The following CFDP1 variants were observed in gnomAD, a reference collection of about 807,000 sequenced individuals.
CFDP1 encodes the protein heterochromatin-stabilizing protein CFDP1.
CFDP1 carries 31 observed loss-of-function variants against 40.1 expected under a neutral mutation model. That is an observed-to-expected ratio of 0.77 (90% CI 0.58 to 1.04). The LOEUF (loss-of-function observed/expected upper bound fraction) is 1.04. Among genes scored for constraint, CFDP1 ranks in the 50% least tolerant of loss-of-function variants. The pLI, the probability that CFDP1 is intolerant of heterozygous loss-of-function variation, is 0.00. For missense variants in CFDP1, 423 were observed against 343.4 expected, an observed-to-expected ratio of 1.23 and a Z score of -1.83; for synonymous variants, 167 against 120.0, an observed-to-expected ratio of 1.39 and a Z score of -2.56.
chr16:75,399,060 A>G (rs2079024698), intron 4 of CFDP1, among the ~76,000 whole-genome samples: 1 of 148,258 alleles, frequency 6.7e-6, no homozygotes, highest in African/African-American at 2.5e-5. Context: ...CCGTCTCAAA[A>G]AAAAAAAAAA....
chr16:75,391,273 A>C (rs913080920), intron 5 of CFDP1: 1 of 152,008 alleles, frequency 6.6e-6, no homozygotes, highest in Non-Finnish European at 1.5e-5. Flanking sequence ...CAGAAACCTA[A>C]GAAGAGCTTC....
intron 6 of CFDP1, among the ~76,000 whole-genome samples, chr16:75,300,782 C>T (rs2151498446): frequency 6.6e-6 from 1 of 151,474 alleles, no homozygotes; most frequent in East Asian, 1.9e-4. Flanking sequence ...ATGGTCAGGG[C>T]AGGGGATACT....
chr16:75,353,527 C>A (rs563075173), intron 5 of CFDP1, among the ~76,000 whole-genome samples: 17 of 151,736 alleles, frequency 1.1e-4, no homozygotes, highest in African/African-American at 4.1e-4. Context: ...TTTGGGAGGC[C>A]GAGGCGGGCA....
At chr16:75,415,321 C>T (rs2151589536) in intron 1 of CFDP1, among the ~76,000 whole-genome samples, 1 of 152,306 alleles carries the variant, frequency 6.6e-6, no homozygotes, top group East Asian at 1.9e-4. Context: ...CAACCCTGCC[C>T]ACACAGAGAT....
At chr16:75,376,068 A>G (rs149505124) in intron 5 of CFDP1, among the ~76,000 whole-genome samples, 1 of 152,102 alleles carries the variant, frequency 6.6e-6, no homozygotes, top group East Asian at 1.9e-4. Context: ...AAAATTAGCC[A>G]GACATAGTGG....
intron 5 of CFDP1, among the ~76,000 whole-genome samples, chr16:75,344,802 C>T (rs896537915): frequency 2.0e-5 from 3 of 151,906 alleles, no homozygotes; most frequent in Admixed American, 6.6e-5. Context: ...CATGGTGGTG[C>T]GTGCCTGTAG....
intron 2 of CFDP1, among the ~76,000 whole-genome samples, chr16:75,412,991 C>A (rs1354909738): frequency 6.7e-6 from 1 of 150,084 alleles, no homozygotes; most frequent in Non-Finnish European, 1.5e-5. Context: ...CACTTAAAAT[C>A]AAAGTATAGC....
chr16:75,298,158 T>C (rs1417705768), intron 6 of CFDP1, among the ~76,000 whole-genome samples: 1 of 152,248 alleles, frequency 6.6e-6, no homozygotes, highest in Non-Finnish European at 1.5e-5. Flanking sequence ...TGTGTTTGTT[T>C]AAACTTGGGT....
At chr16:75,377,986 A>C (rs1023388136) in intron 5 of CFDP1, among the ~76,000 whole-genome samples, 3 of 152,198 alleles carry the variant, frequency 2.0e-5, no homozygotes, top group Admixed American at 6.6e-5. Flanking sequence ...AATCCCTTAG[A>C]TACATTTTAA....
intron 5 of CFDP1, among the ~76,000 whole-genome samples, chr16:75,369,931 GTAT>G (rs993288988): frequency 2.6e-5 from 4 of 151,404 alleles, no homozygotes; most frequent in African/African-American, 4.9e-5. Flanking sequence ...GCTAATTTTT[GTAT>G]TATTATTATT....
intron 4 of CFDP1, among the ~76,000 whole-genome samples, chr16:75,397,115 C>A (rs369677827): frequency 1.3e-5 from 2 of 151,948 alleles, no homozygotes; most frequent in Middle Eastern, 3.4e-3. Context: ...GGGGTTTCAC[C>A]GTGTTAGCCA....
chr16:75,387,330 CGGG>C (rs1056267011), intron 5 of CFDP1, among the ~76,000 whole-genome samples: 1 of 151,950 alleles, frequency 6.6e-6, no homozygotes, highest in African/African-American at 2.4e-5. Flanking sequence ...TTAGTGGAGA[CGGG>C]GGTTTCACCG....
chr16:75,384,193 C>T (rs2078873826), intron 5 of CFDP1, among the ~76,000 whole-genome samples: 1 of 151,978 alleles, frequency 6.6e-6, no homozygotes, highest in Admixed American at 6.6e-5. Flanking sequence ...CCCATCTCTA[C>T]TAAAAATACA....
intron 6 of CFDP1, among the ~76,000 whole-genome samples, chr16:75,299,325 C>G (rs868092664): frequency 6.6e-6 from 1 of 151,918 alleles, no homozygotes; most frequent in African/African-American, 2.4e-5. Context: ...CAGTGGCTCA[C>G]GCCTGTAATC....
chr16:75,356,418 T>A (rs2865531), intron 5 of CFDP1, among the ~76,000 whole-genome samples: 79,372 of 152,030 alleles, frequency 0.52, 21,697 homozygotes, highest in Admixed American at 0.64. Context: ...TTGAAAGGAA[T>A]CTTTCTGTCT....
intron 1 of CFDP1, among the ~76,000 whole-genome samples, chr16:75,427,189 G>A (rs1452501121): frequency 6.6e-6 from 1 of 152,058 alleles, no homozygotes; most frequent in Non-Finnish European, 1.5e-5. Context: ...ATGGCAAACA[G>A]GAACATGAAA....
intron 5 of CFDP1, among the ~76,000 whole-genome samples, chr16:75,322,231 C>T (rs1297206326): frequency 6.6e-6 from 1 of 152,190 alleles, no homozygotes; most frequent in Admixed American, 6.5e-5. Context: ...CTGGGCATTG[C>T]TTGTAAAGTG....
chr16:75,316,344 GC>G (rs1441135873), intron 5 of CFDP1, among the ~76,000 whole-genome samples: 1 of 152,118 alleles, frequency 6.6e-6, no homozygotes, highest in Admixed American at 6.6e-5. Context: ...TATTTCTTAT[GC>G]CTCACTCTAT....
intron 6 of CFDP1, among the ~76,000 whole-genome samples, chr16:75,296,282 C>T (rs1446675445): frequency 6.6e-6 from 1 of 152,134 alleles, no homozygotes; most frequent in African/African-American, 2.4e-5. Flanking sequence ...TGCTTTGTGG[C>T]TCAGGCTGGA....
Sources: allele counts gnomAD v4.1 joint callset (sites outside exome capture counted in the v4.1 genomes callset), GRCh38; gene constraint gnomAD v4.1.1; transcripts MANE v1.5; gene names NCBI Gene and HGNC (gene_info 2026-07-23, HGNC 2026-07-21).